Variants in UGT1A3 observed in about 807,000 individuals in gnomAD.
UGT1A3 encodes the protein UDP glucuronosyltransferase family 1 member A3.
Under a neutral mutation model 41.0 loss-of-function variants are expected in UGT1A3, and 31 were observed. The observed-to-expected ratio is 0.76, with a 90% CI of 0.57 to 1.02. The LOEUF (loss-of-function observed/expected upper bound fraction) is 1.02, where lower values mean the gene tolerates loss of function less well. Ranked by LOEUF, UGT1A3 falls within the 50% of genes least tolerant of loss-of-function variation. UGT1A3 has a pLI of 0.00. For missense variants in UGT1A3, 737 were observed against 671.0 expected (o/e 1.10, Z -1.09); for synonymous variants, 262 against 257.6 (o/e 1.02, Z -0.17).
chr2:233,729,865 G>C lies in UGT1A3; in HGVS notation c.739G>C (p.Asp247His), dbSNP rs2077938207. 6 of 1,613,698 alleles carry C rather than the reference G, an allele frequency of 3.7e-6. No homozygotes were observed. Among genetic ancestry groups the C allele is most frequent in the African/African-American group, 1.3e-5 (1 of 74,862 alleles). The change falls in exon 1 of 5, where the codon GAT (aspartate) becomes CAT (histidine). Residue 247 changes from aspartate to histidine, a missense_variant. By Grantham distance (81) the Asp-to-His change is moderately conservative. Coordinates refer to ENST00000482026, the MANE Select transcript of UGT1A3 (RefSeq NM_019093.4). ...TTTTCAGAGAGAGGTGTCAGTGGTG[G>C]ATATTCTCAGTCATGCATCTGTGTG... Reference protein sequence around the residue: ...ELFQREVSVVDILSHASVWLF... With the variant: ...ELFQREVSVVHILSHASVWLF...
At chr2:233,745,000 A>T in intron 1 of UGT1A3, among the ~76,000 whole-genome samples, 1 of 151,770 alleles carries the variant, frequency 6.6e-6, no homozygotes, top group Non-Finnish European at 1.5e-5. Context: ...GATTACTTTT[A>T]CCTAATAAAT....
At chr2:233,756,441 T>C (rs1696218483) in intron 1 of UGT1A3, 1 of 152,178 alleles carries the variant, frequency 6.6e-6, no homozygotes, top group African/African-American at 2.4e-5. Flanking sequence ...TCATTGTTGT[T>C]CCCCCCAAAT....
intron 1 of UGT1A3, among the ~76,000 whole-genome samples, chr2:233,735,983 G>A (rs541234939): frequency 2.6e-5 from 4 of 152,114 alleles, no homozygotes; most frequent in Non-Finnish European, 5.9e-5. Context: ...TGACAATTAT[G>A]TGTCTTGGAG....
In UGT1A3 at chr2:233,755,690, C is replaced by T. The variant is rs58069490; in HGVS notation, c.868-11344C>T. 7.1e-3 allele frequency: 1,102 copies of T among 155,734 alleles called. 14 individuals carry two copies. Among genetic ancestry groups the T allele is most frequent in the African/African-American group, 0.021 (857 of 41,546 alleles). The allele number at this position is 155,734 out of a possible 1,614,324, so 9.6% of individuals were successfully genotyped here. The stretch of plus-strand genomic sequence containing the variant: ...GTGGTGGGAGTGAGTTTAGTCTGAC[C>T]GGGGCTGAAGACATCCTGTTGTTTA... On this transcript the variant is annotated intron_variant, in intron 1 of 4. Transcript: ENST00000482026.
intron 1 of UGT1A3, chr2:233,743,521 C>T (rs777952241): frequency 4.4e-6 from 6 of 1,367,160 alleles, no homozygotes; most frequent in Non-Finnish European, 5.9e-6. Flanking sequence ...TCTGCTTCTG[C>T]TTCCCCAGCA....
At chr2:233,752,692 C>T (rs973009345) in intron 1 of UGT1A3, 1 of 152,166 alleles carries the variant, frequency 6.6e-6, no homozygotes, top group African/African-American at 2.4e-5. Flanking sequence ...TTCATGTTTA[C>T]TAGTGGGGTA....
intron 1 of UGT1A3, chr2:233,747,921 G>T: frequency 6.2e-7 from 1 of 1,613,394 alleles, no homozygotes; most frequent in Non-Finnish European, 8.5e-7. Context: ...CCTTGCCTCT[G>T]AGCTTTTTCA....
chr2:233,744,892 C>T (rs28900378), intron 1 of UGT1A3, among the ~76,000 whole-genome samples: 4,281 of 151,940 alleles, frequency 0.028, 301 homozygotes, highest in African/African-American at 0.097. Context: ...ACCCTCCTCT[C>T]CATACCAAAA....
At chr2:233,747,891 C>G (rs562741642) in intron 1 of UGT1A3, 201 of 1,612,980 alleles carry the variant, frequency 1.2e-4, no homozygotes, top group East Asian at 4.9e-4. Context: ...TTGCCATGCT[C>G]TTTCTGCTCC....
At chr2:233,742,091 C>T (rs1449888416) in intron 1 of UGT1A3, 1 of 151,792 alleles carries the variant, frequency 6.6e-6, no homozygotes, top group Non-Finnish European at 1.5e-5. Context: ...TTTACATTTC[C>T]AGGACCCACT....
intron 1 of UGT1A3, chr2:233,747,485 C>T: frequency 6.2e-7 from 1 of 1,608,768 alleles, no homozygotes; most frequent in Non-Finnish European, 8.5e-7. Flanking sequence ...AATTTGATCG[C>T]CTTGTGCTGG....
intron 1 of UGT1A3, among the ~76,000 whole-genome samples, chr2:233,745,353 A>T (rs1446464476): frequency 1.3e-5 from 2 of 151,782 alleles, no homozygotes; most frequent in African/African-American, 2.4e-5. Flanking sequence ...TTTTGGGGGA[A>T]TTTTTTTGAG....
intron 1 of UGT1A3, among the ~76,000 whole-genome samples, chr2:233,731,168 T>A (rs1313291260): frequency 6.6e-6 from 1 of 152,138 alleles, no homozygotes; most frequent in Non-Finnish European, 1.5e-5. Flanking sequence ...AACGACATGA[T>A]TTTTTTATGC....
chr2:233,763,577 T>C (rs1698349758), intron 1 of UGT1A3, among the ~76,000 whole-genome samples: 1 of 152,236 alleles, frequency 6.6e-6, no homozygotes, highest in African/African-American at 2.4e-5. Context: ...TATTTTCTCT[T>C]TCTTCCTTTG....
At chr2:233,747,297 T>TG (rs1437353605) in intron 1 of UGT1A3, 13 of 1,601,102 alleles carry the variant, frequency 8.1e-6, no homozygotes, top group Non-Finnish European at 1.1e-5. Context: ...GGGCTGAGAG[T>TG]GGGAAGGTGC....
intron 1 of UGT1A3, among the ~76,000 whole-genome samples, chr2:233,750,926 G>A (rs939892463): frequency 5.3e-5 from 8 of 151,868 alleles, no homozygotes; most frequent in African/African-American, 1.9e-4. Flanking sequence ...AAAGAAATGT[G>A]AGGTTGGAGC....
chr2:233,735,442 G>A (rs1187026118), intron 1 of UGT1A3, among the ~76,000 whole-genome samples: 1 of 151,980 alleles, frequency 6.6e-6, no homozygotes, highest in Non-Finnish European at 1.5e-5. Flanking sequence ...ACAGCATACC[G>A]ATGGGCCTTG....
intron 1 of UGT1A3, 24 bp downstream of exon 1, chr2:233,730,017 A>G (rs1485743576): frequency 6.2e-7 from 1 of 1,613,756 alleles, no homozygotes; most frequent in South Asian, 1.1e-5. Flanking sequence ...CCTTCATCCA[A>G]TCAATGTTCC....
intron 1 of UGT1A3, chr2:233,755,045 G>C (rs745537470): frequency 7.5e-7 from 1 of 1,325,478 alleles, no homozygotes; most frequent in Non-Finnish European, 1.0e-6. Context: ...CTGCGCAGCC[G>C]CCCTCCGCCC....
Sources: gnomAD v4.1 joint callset for allele counts (sites outside exome capture counted in the v4.1 genomes callset) on GRCh38, gnomAD v4.1.1 for gene constraint, MANE v1.5 for transcripts, NCBI Gene and HGNC (gene_info 2026-07-23, HGNC 2026-07-21) for gene names.